Variants in FAM107B observed in about 807,000 individuals in gnomAD.
FAM107B encodes family with sequence similarity 107 member B, also known as protein FAM107B.
A neutral mutation model predicts 31.5 loss-of-function variants in FAM107B; 21 were observed. The observed-to-expected ratio is 0.67, with a 90% CI of 0.47 to 0.96. The LOEUF (loss-of-function observed/expected upper bound fraction) is 0.96, where lower values mean the gene tolerates loss of function less well. Among genes scored for constraint, FAM107B ranks in the 40% least tolerant of loss-of-function variants. FAM107B has a pLI of 0.00. For synonymous variants in FAM107B, 157 were observed against 141.5 expected (o/e 1.11, Z -0.78); for missense variants, 452 against 377.1 (o/e 1.20, Z -1.64).
intron 2 of FAM107B, among the ~76,000 whole-genome samples, chr10:14,636,300 C>T (rs74909919): frequency 0.027 from 4,061 of 149,040 alleles, 103 homozygotes; most frequent in Non-Finnish European, 0.042. Flanking sequence ...CCAACAATTC[C>T]AGGATCATGT....
chr10:14,529,390 G>A (rs1846686609), intron 3 of FAM107B: 1 of 152,300 alleles, frequency 6.6e-6, no homozygotes, highest in African/African-American at 2.4e-5. Context: ...TCCTGGGATA[G>A]ATAGGAGTCA....
intron 3 of FAM107B, among the ~76,000 whole-genome samples, chr10:14,522,722 C>A (rs1845796713): frequency 6.6e-6 from 1 of 152,126 alleles, no homozygotes; most frequent in Non-Finnish European, 1.5e-5. Context: ...CCTCTAGCCC[C>A]TGATCTTATG....
rs915719074 is a variant in FAM107B at position 14,746,894 on chromosome 10, T to C, written c.411+27359A>G. On this transcript the variant is annotated intron_variant, in intron 1 of 4. Transcript: ENST00000181796. ...GATATCCTGAAGTATGTTTTCCAAC[T>C]TGGTTCTATTCTCCCCGTCTCTTTC... Among the ~76,000 whole-genome samples the C allele has an allele frequency of 7.2e-5, 11 of 152,338 alleles. No homozygotes were observed. The East Asian group carries it at 2.1e-3, about 29-fold the overall frequency.
chr10:14,711,718 A>G (rs959178465), intron 1 of FAM107B, among the ~76,000 whole-genome samples: 2 of 152,134 alleles, frequency 1.3e-5, no homozygotes, highest in Non-Finnish European at 2.9e-5. Context: ...ATCTCAGCTC[A>G]CTGCAACCTC....
At chr10:14,719,395 T>C (rs973786758) in intron 1 of FAM107B, among the ~76,000 whole-genome samples, 1 of 152,228 alleles carries the variant, frequency 6.6e-6, no homozygotes, top group Non-Finnish European at 1.5e-5. Flanking sequence ...ACATAACTAA[T>C]ACTTTGCCTT....
chr10:14,716,671 G>A (rs1282435513), intron 1 of FAM107B, among the ~76,000 whole-genome samples: 2 of 152,200 alleles, frequency 1.3e-5, no homozygotes, highest in African/African-American at 4.8e-5. Context: ...TTGATATGAT[G>A]TCAAGCGATC....
chr10:14,543,225 G>C (rs1018338937), intron 2 of FAM107B, among the ~76,000 whole-genome samples: 4 of 152,076 alleles, frequency 2.6e-5, no homozygotes, highest in African/African-American at 7.2e-5. Flanking sequence ...TGGTGTTCAG[G>C]GGAGCTGTTG....
chr10:14,639,254 TC>T (rs1412349112), intron 2 of FAM107B, among the ~76,000 whole-genome samples: 1 of 152,168 alleles, frequency 6.6e-6, no homozygotes, highest in African/African-American at 2.4e-5. Flanking sequence ...GACAGCTTCC[TC>T]CAGGCAGCTT....
At chr10:14,575,030 C>T (rs964357666) in intron 2 of FAM107B, among the ~76,000 whole-genome samples, 4 of 152,044 alleles carry the variant, frequency 2.6e-5, no homozygotes, top group East Asian at 1.9e-4. Flanking sequence ...CTGACTTTAC[C>T]GACCATTGGG....
At chr10:14,530,306 A>G in intron 3 of FAM107B, 26 bp downstream of exon 3, 1 of 1,587,562 alleles carries the variant, frequency 6.3e-7, no homozygotes, top group Non-Finnish European at 8.5e-7. Flanking sequence ...TCTTAAAAAA[A>G]AAATATGCTC....
At chr10:14,770,931 A>G (rs74124711) in intron 1 of FAM107B, among the ~76,000 whole-genome samples, 277 of 141,482 alleles carry the variant, frequency 2.0e-3, no homozygotes, top group African/African-American at 6.6e-3. Flanking sequence ...GAAGATAGAG[A>G]GAGGGGCTTG....
chr10:14,619,535 T>G (rs535383956), intron 2 of FAM107B, among the ~76,000 whole-genome samples: 1 of 152,340 alleles, frequency 6.6e-6, no homozygotes, highest in South Asian at 2.1e-4. Flanking sequence ...TGTGTGTATT[T>G]TCTTAATAAG....
intron 1 of FAM107B, among the ~76,000 whole-genome samples, chr10:14,673,320 CTGT>C (rs1854604096): frequency 6.6e-6 from 1 of 152,180 alleles, no homozygotes; most frequent in Non-Finnish European, 1.5e-5. Flanking sequence ...CTGGTAACCA[CTGT>C]TCTCCTCTCC....
At chr10:14,528,000 T>C in intron 3 of FAM107B, 2 of 109,434 alleles carry the variant, frequency 1.8e-5, no homozygotes, top group Non-Finnish European at 4.1e-5. Context: ...CTGCCTTTTC[T>C]TTTTTTTTTT....
intron 2 of FAM107B, among the ~76,000 whole-genome samples, chr10:14,642,437 C>T (rs1366435778): frequency 6.6e-6 from 1 of 152,214 alleles, no homozygotes; most frequent in Non-Finnish European, 1.5e-5. Flanking sequence ...TTTTTCTCTT[C>T]TGGGAGAATA....
intron 1 of FAM107B, among the ~76,000 whole-genome samples, chr10:14,707,580 T>C (rs1855551288): frequency 6.6e-6 from 1 of 152,170 alleles, no homozygotes; most frequent in Admixed American, 6.5e-5. Flanking sequence ...TGGGCATTTA[T>C]TGTAACTCAC....
intron 2 of FAM107B, among the ~76,000 whole-genome samples, chr10:14,564,803 T>C (rs1043684644): frequency 3.3e-5 from 5 of 152,240 alleles, no homozygotes; most frequent in African/African-American, 1.2e-4. Context: ...CCCAAACCTA[T>C]TATAACATTA....
At chr10:14,772,787 T>C (rs1329451764) in intron 1 of FAM107B, among the ~76,000 whole-genome samples, 2 of 152,184 alleles carry the variant, frequency 1.3e-5, no homozygotes, top group Admixed American at 6.5e-5. Context: ...CCATTTTGTG[T>C]TATTGGTTCT....
At chr10:14,536,975 T>G (rs1847682421) in intron 2 of FAM107B, among the ~76,000 whole-genome samples, 1 of 152,166 alleles carries the variant, frequency 6.6e-6, no homozygotes, top group Non-Finnish European at 1.5e-5. Flanking sequence ...AAGGCACATA[T>G]TTTATATTTA....
Sources: gnomAD v4.1 joint callset for allele counts (sites outside exome capture counted in the v4.1 genomes callset) on GRCh38, gnomAD v4.1.1 for gene constraint, MANE v1.5 for transcripts, NCBI Gene and HGNC (gene_info 2026-07-23, HGNC 2026-07-21) for gene names.